The following UBAC1 variants were observed in gnomAD, a reference collection of about 807,000 sequenced individuals.
UBAC1 encodes the protein ubiquitin-associated domain-containing protein 1.
Under a neutral mutation model 45.9 loss-of-function variants are expected in UBAC1, and 27 were observed. The observed-to-expected ratio is 0.59, with a 90% CI of 0.43 to 0.81. The LOEUF is 0.81. Ranked by LOEUF, UBAC1 falls within the 30% of genes least tolerant of loss-of-function variation. The probability of loss-of-function intolerance (pLI) is 0.00; values close to 1 mark genes in which losing one functional copy is unlikely to be tolerated. For synonymous variants in UBAC1, 227 were observed against 215.5 expected, an observed-to-expected ratio of 1.05 and a Z score of -0.47; for missense variants, 529 against 539.2, an observed-to-expected ratio of 0.98 and a Z score of 0.19.
At position 135,946,373 on chromosome 9, in the gene UBAC1, T is replaced by A. The variant is rs781695132; in HGVS notation, c.442-2A>T. 11 of 1,603,470 alleles carry A rather than the reference T, an allele frequency of 6.9e-6. No homozygotes were observed. The highest frequency in any genetic ancestry group is 9.4e-6 in the Non-Finnish European group (11 of 1,170,600). On this transcript the variant is annotated splice_acceptor_variant, in intron 4 of 9. Coordinates refer to ENST00000371756, the MANE Select transcript of UBAC1 (RefSeq NM_016172.3). LOFTEE classifies it high-confidence loss of function. ...TATCTTCCGGAGTTCTGTCTGGAACTGTGGTGAAAAAAAAGGAGATCAATT... is the reference window on the plus strand; with the variant it reads ...TATCTTCCGGAGTTCTGTCTGGAACAGTGGTGAAAAAAAAGGAGATCAATT...
rs1839355350 is a variant in UBAC1, at chr9:135,947,792, A to G, written c.441+6T>C. ...GCACCCGCCGCCGCTCTGGGCTGAC[A>G]CTCACGTCTCTCATGTTGGTCTGGA... On this transcript the variant is annotated splice_donor_region_variant and intron_variant, in intron 4 of 9. Transcript: ENST00000371756. 3.1e-6 allele frequency: 5 copies of G among 1,611,184 alleles called. No individual in the cohort carries two copies. The East Asian group carries it at 1.1e-4, about 36-fold the overall frequency.
chr9:135,935,834 G>A (rs937044558), intron 9 of UBAC1, among the ~76,000 whole-genome samples: 3 of 152,120 alleles, frequency 2.0e-5, no homozygotes, highest in Non-Finnish European at 4.4e-5. Context: ...AGACCATCCT[G>A]GCTAACACGG....
rs747362112 is a variant in UBAC1 at position 135,933,403 on chromosome 9, C to T, written c.1215G>A (p.Thr405=). The change falls in exon 10 of 10, where the codon ACG becomes ACA. Residue 405 remains threonine (T), a synonymous_variant. Coordinates refer to ENST00000371756, the MANE Select transcript of UBAC1 (RefSeq NM_016172.3). ...ISRIFQTLNR[T] is the part of the protein sequence containing the mutation. ...TAGCCGAGTGGAACAACGCCACCTACGTGCGATTTAGTGTCTGGAAGATTC... is the reference window on the plus strand; with the variant it reads ...TAGCCGAGTGGAACAACGCCACCTATGTGCGATTTAGTGTCTGGAAGATTC... 13 of 1,613,710 alleles carry T rather than the reference C, an allele frequency of 8.1e-6. No individual in the cohort carries two copies. The highest frequency in any genetic ancestry group is 6.6e-5 in the South Asian group (6 of 91,086).
rs1211303075 is a variant in UBAC1, at chr9:135,953,749, G to A, written c.264C>T (p.Val88=). The change falls in exon 3 of 10, where the codon GTC becomes GTT. Residue 88 remains valine, a synonymous_variant. Coordinates refer to ENST00000371756, the MANE Select transcript of UBAC1 (RefSeq NM_016172.3). The part of the protein sequence containing the change: ...ILEENIQDQD[V]LLLIKKRAPS... ...GAGCACGCTTTTTTATCAATAATAG[G>A]ACATCTAGAAAAAACAACACGTATA... The A allele has an allele frequency of 6.2e-7, 1 of 1,613,548 alleles. No homozygotes were observed. Among genetic ancestry groups the A allele is most frequent in the Non-Finnish European group, 8.5e-7 (1 of 1,179,678 alleles).
At chr9:135,937,053 T>C (rs553694634) in intron 9 of UBAC1, among the ~76,000 whole-genome samples, 10 of 152,248 alleles carry the variant, frequency 6.6e-5, no homozygotes, top group Admixed American at 1.3e-4. Flanking sequence ...AGGCGGCCAA[T>C]ACGCTTCTGA....
At chr9:135,933,780 C>T (rs1564193294) in intron 9 of UBAC1, among the ~76,000 whole-genome samples, 1 of 152,058 alleles carries the variant, frequency 6.6e-6, no homozygotes, top group African/African-American at 2.4e-5. Context: ...CTCATGGCAC[C>T]CCCACTCTCG....
rs1464803553 is a variant in UBAC1 at position 135,947,887 on chromosome 9, C to T, written c.352G>A (p.Ala118Thr). The change falls in exon 4 of 10, where the codon GCT becomes ACT. Residue 118 changes from alanine (A) to threonine (T), a missense_variant. Coordinates refer to ENST00000371756, the MANE Select transcript of UBAC1 (RefSeq NM_016172.3). The part of the protein sequence containing the change: ...AEEKKKQDQK[A>T]PDKEAILRAT... ...CGCAGTATGGCCTCTTTATCTGGAG[C>T]TTTCTGGTCTTGTTTTTTCTACACA... 2 of 1,614,054 alleles carry T rather than the reference C, an allele frequency of 1.2e-6. No individual in the cohort carries two copies. The highest frequency in any genetic ancestry group is 1.7e-6 in the Non-Finnish European group (2 of 1,179,968).
At chr9:135,952,025 G>A (rs184556018) in intron 3 of UBAC1, among the ~76,000 whole-genome samples, 8 of 152,308 alleles carry the variant, frequency 5.3e-5, no homozygotes, top group Non-Finnish European at 8.8e-5. Context: ...GAACACCAAC[G>A]GTCAAACTGT....
chr9:135,960,945 G>A (rs1213777851), intron 1 of UBAC1, 80 bp downstream of exon 1: 23 of 1,312,568 alleles, frequency 1.8e-5, no homozygotes, highest in South Asian at 6.2e-5. Context: ...AGGTCGGGGC[G>A]GTTCGGGGAC....
chr9:135,940,894 C>T (rs1310898776), intron 7 of UBAC1, among the ~76,000 whole-genome samples: 2 of 152,196 alleles, frequency 1.3e-5, no homozygotes, highest in African/African-American at 2.4e-5. Flanking sequence ...GGCAGTTTTC[C>T]GGCCACCATA....
intron 7 of UBAC1, among the ~76,000 whole-genome samples, chr9:135,940,108 A>T (rs1167940677): frequency 6.6e-6 from 1 of 152,118 alleles, no homozygotes; most frequent in South Asian, 2.1e-4. Flanking sequence ...GTTTGTCCCG[A>T]TGACTGTGTG....
intron 4 of UBAC1, 104 bp downstream of exon 4, chr9:135,947,694 C>T: frequency 1.1e-6 from 1 of 921,496 alleles, no homozygotes; most frequent in Non-Finnish European, 1.6e-6. Context: ...CCCAAATCCT[C>T]CCAGAGAATC....
At chr9:135,944,683 C>A (rs557234504) in intron 7 of UBAC1, among the ~76,000 whole-genome samples, 1 of 152,280 alleles carries the variant, frequency 6.6e-6, no homozygotes, top group Non-Finnish European at 1.5e-5. Flanking sequence ...GAGAGGCTGC[C>A]GAACAGGGGG....
chr9:135,942,220 C>A (rs1839278644), intron 7 of UBAC1: 1 of 152,244 alleles, frequency 6.6e-6, no homozygotes, highest in Non-Finnish European at 1.5e-5. Context: ...CCTCAGAGCA[C>A]AAGGGACCCA....
At chr9:135,947,048 G>A (rs1839346239) in intron 4 of UBAC1, among the ~76,000 whole-genome samples, 3 of 152,216 alleles carry the variant, frequency 2.0e-5, no homozygotes, top group Admixed American at 6.5e-5. Context: ...ACCCCAAGAG[G>A]TTCATTCCTA....
intron 4 of UBAC1, among the ~76,000 whole-genome samples, 198 bp from the exon 5 acceptor site, chr9:135,946,569 A>C (rs540826567): frequency 6.6e-6 from 1 of 152,350 alleles, no homozygotes; most frequent in South Asian, 2.1e-4. Flanking sequence ...GACTGAAGCC[A>C]GTGGAAAGGG....
chr9:135,940,587 A>C (rs891240535), intron 7 of UBAC1, among the ~76,000 whole-genome samples: 1 of 152,092 alleles, frequency 6.6e-6, no homozygotes, highest in Admixed American at 6.5e-5. Flanking sequence ...CTCAAAAAAA[A>C]AAAAAAAAAA....
chr9:135,960,309 G>T (rs1004525857), intron 1 of UBAC1, among the ~76,000 whole-genome samples: 3 of 152,146 alleles, frequency 2.0e-5, no homozygotes, highest in African/African-American at 4.8e-5. Flanking sequence ...AAATACACAG[G>T]AGTATTTCAG....
intron 9 of UBAC1, among the ~76,000 whole-genome samples, chr9:135,937,805 C>T (rs996562159): frequency 5.9e-5 from 9 of 152,354 alleles, no homozygotes; most frequent in African/African-American, 2.2e-4. Flanking sequence ...TCATCATATA[C>T]ACTTTTGTAT....
Sources: allele counts gnomAD v4.1 joint callset (sites outside exome capture counted in the v4.1 genomes callset), GRCh38; gene constraint gnomAD v4.1.1; transcripts MANE v1.5; gene names NCBI Gene and HGNC (gene_info 2026-07-23, HGNC 2026-07-21).